CYP2J2: variants seen among roughly 807,000 people sequenced by gnomAD.
CYP2J2 encodes the protein cytochrome P450 2J2.
Under a neutral mutation model 48.8 loss-of-function variants are expected in CYP2J2, and 41 were observed. The observed-to-expected ratio is 0.84, with a 90% CI of 0.66 to 1.09. The LOEUF is 1.09. Among genes scored for constraint, CYP2J2 ranks in the 50% least tolerant of loss-of-function variants. The pLI, the probability that CYP2J2 is intolerant of heterozygous loss-of-function variation, is 0.00. For missense variants in CYP2J2, 644 were observed against 617.3 expected (o/e 1.04, Z -0.46); for synonymous variants, 221 against 227.1 (o/e 0.97, Z 0.24).
chr1:59,895,166 C>T (rs1295353278), intron 8 of CYP2J2, among the ~76,000 whole-genome samples: 1 of 152,230 alleles, frequency 6.6e-6, no homozygotes, highest in Non-Finnish European at 1.5e-5. Flanking sequence ...TCAGGGTTAC[C>T]AGTTGTCCCA....
At chr1:59,903,472 A>G (rs1467001228) in intron 7 of CYP2J2, among the ~76,000 whole-genome samples, 1 of 152,216 alleles carries the variant, frequency 6.6e-6, no homozygotes, top group Non-Finnish European at 1.5e-5. Flanking sequence ...GGAGGTAAAC[A>G]TCGGATAGAC....
intron 1 of CYP2J2, among the ~76,000 whole-genome samples, chr1:59,919,254 G>A (rs574042067): frequency 1.1e-4 from 16 of 152,224 alleles, no homozygotes; most frequent in Non-Finnish European, 1.5e-4. Flanking sequence ...TTTTAAAGTC[G>A]TATGTTTATG....
At chr1:59,968,938 C>T in the CYP2J2 span, among the ~76,000 whole-genome samples, 1 of 152,140 alleles carries the variant, frequency 6.6e-6, no homozygotes, top group Non-Finnish European at 1.5e-5. Context: ...TTCGGGGTTT[C>T]TTCCTTCTGG....
At chr1:59,948,580 T>C in the CYP2J2 span, among the ~76,000 whole-genome samples, 1 of 152,360 alleles carries the variant, frequency 6.6e-6, no homozygotes, top group South Asian at 2.1e-4. Flanking sequence ...TTTGCCATAA[T>C]GGCAAAAACC....
intron 8 of CYP2J2, among the ~76,000 whole-genome samples, chr1:59,894,550 G>T (rs1644252583): frequency 6.6e-6 from 1 of 152,156 alleles, no homozygotes; most frequent in African/African-American, 2.4e-5. Context: ...ATTCAATTCA[G>T]CTTCTCCCAC....
chr1:59,899,605 T>A (rs1644299708), intron 8 of CYP2J2, among the ~76,000 whole-genome samples: 1 of 152,226 alleles, frequency 6.6e-6, no homozygotes, highest in African/African-American at 2.4e-5. Flanking sequence ...TTTAGTTATT[T>A]TCAGTAGATA....
chr1:59,969,178 A>C, the CYP2J2 span, among the ~76,000 whole-genome samples: 1 of 152,210 alleles, frequency 6.6e-6, no homozygotes, highest in Non-Finnish European at 1.5e-5. Context: ...GAAAGAACAA[A>C]ACTTCCACAG....
Position 59,912,204 on chromosome 1 carries a change from C to A in CYP2J2, c.481G>T (p.Glu161Ter). 1 of 1,613,902 alleles carries A rather than the reference C, an allele frequency of 6.2e-7. No homozygotes were observed. Among genetic ancestry groups the A allele is most frequent in the Non-Finnish European group, 8.5e-7 (1 of 1,179,856 alleles). The part of the protein sequence containing the change: ...GKKSLEERIQ[E>*]EAQHLTEAIK... Reference sequence around the variant, plus strand: ...GCTTCAGTGAGGTGTTGGGCCTCCTCCTGAATGCGTTCCTCTAAGCTCTTC... The same window carrying A: ...GCTTCAGTGAGGTGTTGGGCCTCCTACTGAATGCGTTCCTCTAAGCTCTTC... The change falls in exon 3 of 9, where the codon GAG becomes TAG. Residue 161 changes from glutamate to a stop codon, truncating the protein, a stop_gained. Transcript: ENST00000371204. LOFTEE classifies it high-confidence loss of function.
the CYP2J2 span, among the ~76,000 whole-genome samples, chr1:59,964,748 A>T: frequency 6.6e-6 from 1 of 152,242 alleles, no homozygotes; most frequent in African/African-American, 2.4e-5. Flanking sequence ...CAGTTTCATT[A>T]CAACCTTTCA....
chr1:59,925,668 A>G (rs1173499324), intron 1 of CYP2J2, among the ~76,000 whole-genome samples: 1 of 152,236 alleles, frequency 6.6e-6, no homozygotes, highest in African/African-American at 2.4e-5. Flanking sequence ...ATAAAGTGAT[A>G]AAACTTTGTC....
the CYP2J2 span, among the ~76,000 whole-genome samples, chr1:59,947,766 C>A: frequency 6.6e-6 from 1 of 152,166 alleles, no homozygotes; most frequent in Non-Finnish European, 1.5e-5. Flanking sequence ...CCATCCTTGG[C>A]TCCATCTAAG....
chr1:59,935,776 CTT>C, the CYP2J2 span, among the ~76,000 whole-genome samples: 1 of 152,114 alleles, frequency 6.6e-6, no homozygotes, highest in Admixed American at 6.5e-5. Flanking sequence ...CCTGGAAAAA[CTT>C]TACTTCTTCT....
chr1:59,953,261 AT>A, the CYP2J2 span, among the ~76,000 whole-genome samples: 4 of 152,122 alleles, frequency 2.6e-5, no homozygotes, highest in Non-Finnish European at 4.4e-5. Context: ...GCTTAGTCTA[AT>A]TATTAGTGTG....
the CYP2J2 span, among the ~76,000 whole-genome samples, chr1:59,946,300 G>A: frequency 1.3e-5 from 2 of 152,266 alleles, no homozygotes; most frequent in African/African-American, 4.8e-5. Flanking sequence ...TCCTCTGCCT[G>A]CAAAGCTGTT....
At chr1:59,901,551 C>T (rs1388662090) in intron 7 of CYP2J2, among the ~76,000 whole-genome samples, 1 of 152,176 alleles carries the variant, frequency 6.6e-6, no homozygotes, top group Non-Finnish European at 1.5e-5. Context: ...ATTCTCTTTC[C>T]TCCAATGTCT....
intron 8 of CYP2J2, among the ~76,000 whole-genome samples, chr1:59,894,054 G>A (rs1467225381): frequency 2.6e-5 from 4 of 152,198 alleles, no homozygotes; most frequent in South Asian, 4.1e-4. Context: ...TCAGGGGTCC[G>A]GCAGGCGAGC....
chr1:59,901,159 T>C (rs1458896537), intron 7 of CYP2J2, 56 bp from the exon 8 acceptor site: 39 of 1,576,042 alleles, frequency 2.5e-5, no homozygotes, highest in Middle Eastern at 3.6e-4. Context: ...AGCACACCTA[T>C]GCAGAGGGGT....
intron 8 of CYP2J2, 130 bp downstream of exon 8, chr1:59,900,834 CA>C: frequency 9.6e-7 from 1 of 1,042,494 alleles, no homozygotes; most frequent in Non-Finnish European, 1.4e-6. Context: ...CCCCCTACAG[CA>C]AGATGGAGTG....
At chr1:59,963,154 G>A in the CYP2J2 span, among the ~76,000 whole-genome samples, 4 of 152,268 alleles carry the variant, frequency 2.6e-5, no homozygotes, top group East Asian at 3.9e-4. Context: ...GTTCAGTGGC[G>A]TTTGGAATTA....
Sources: gnomAD v4.1 joint callset for allele counts (sites outside exome capture counted in the v4.1 genomes callset) on GRCh38, gnomAD v4.1.1 for gene constraint, MANE v1.5 for transcripts, NCBI Gene and HGNC (gene_info 2026-07-23, HGNC 2026-07-21) for gene names.